ADGRE2: variants seen among roughly 807,000 people sequenced by gnomAD.
ADGRE2 encodes the protein CD97 antigen.
Under a neutral mutation model 100.8 loss-of-function variants are expected in ADGRE2, and 83 were observed. The ratio of observed to expected loss-of-function variants is 0.82; its 90% CI spans 0.69 to 0.99. ADGRE2 has a LOEUF of 0.99. Among genes scored for constraint, ADGRE2 ranks in the 50% least tolerant of loss-of-function variants. The pLI is 0.00. For missense variants in ADGRE2, 814 were observed against 1,035.7 expected, an observed-to-expected ratio of 0.79 and a Z score of 2.94; for synonymous variants, 355 against 413.0, an observed-to-expected ratio of 0.86 and a Z score of 1.70.
chr19:14,766,527 C>A (rs1599865355), intron 6 of ADGRE2, 146 bp from the exon 7 acceptor site: 3 of 928,860 alleles, frequency 3.2e-6, no homozygotes, highest in Non-Finnish European at 1.6e-6. Flanking sequence ...TTCAACTTCA[C>A]CTTCAAAGCA....
intron 16 of ADGRE2, among the ~76,000 whole-genome samples, chr19:14,749,256 TAAA>T (rs1446871468): frequency 6.8e-6 from 1 of 146,670 alleles, no homozygotes; most frequent in Non-Finnish European, 1.5e-5. Context: ...ATTAATAAAA[TAAA>T]GAATTAAGGA....
At chr19:14,751,389 C>T (rs754857376) in intron 16 of ADGRE2, 47 bp downstream of exon 16, 1 of 1,424,670 alleles carries the variant, frequency 7.0e-7, no homozygotes, top group Non-Finnish European at 9.9e-7. Context: ...CTAGCAATGG[C>T]CATGGTTATG....
intron 1 of ADGRE2, among the ~76,000 whole-genome samples, chr19:14,777,652 A>AC (rs2044486984): frequency 2.0e-5 from 1 of 49,938 alleles, no homozygotes; most frequent in Admixed American, 1.9e-4. Context: ...CCAGGCCCCC[A>AC]CCCCCCGACA....
Position 14,774,026 on chromosome 19 carries a change from G to A in ADGRE2, c.111C>T (p.Ser37=). Reference sequence around the variant, plus strand: ...GACAGGCGGTGGCATTGACACACGAGGAGTCCTGAGGGCACCACCGGGCAC... The same window carrying A: ...GACAGGCGGTGGCATTGACACACGAAGAGTCCTGAGGGCACCACCGGGCAC... The part of the protein sequence containing the change: ...RGCARWCPQD[S]SCVNATACRC... Residue 37 remains serine (S), a synonymous_variant, in exon 4 of 21, where the codon TCC becomes TCT. Transcript: ENST00000315576. The A allele has an allele frequency of 6.2e-7, 1 of 1,614,008 alleles. No individual in the cohort carries two copies. The highest frequency in any genetic ancestry group is 8.5e-7 in the Non-Finnish European group (1 of 1,180,020).
Position 14,774,039 on chromosome 19 carries a change from C to T in ADGRE2, c.98G>A (p.Cys33Tyr). Residue 33 changes from cysteine to tyrosine, a missense_variant, in exon 4 of 21, where the codon TGC becomes TAC. Cys to Tyr is a radical substitution (Grantham distance 194). Around this residue, in one of 5 missense-constraint regions of ADGRE2, gnomAD observed 143 missense variants for 160.3 expected, o/e 0.89. Transcript: ENST00000315576. Reference protein sequence around the residue: ...TQDSRGCARWCPQDSSCVNAT... With the variant: ...TQDSRGCARWYPQDSSCVNAT... The stretch of plus-strand genomic sequence containing the variant: ...ATTGACACACGAGGAGTCCTGAGGG[C>T]ACCACCGGGCACAGCCTGCAAGAGC... 6.2e-7 allele frequency: 1 copy of T among 1,613,846 alleles called. No homozygotes were observed. Among genetic ancestry groups the T allele is most frequent in the Non-Finnish European group, 8.5e-7 (1 of 1,179,970 alleles).
Position 14,736,154 on chromosome 19 carries a change from CT to C in ADGRE2, c.*81del. 7.5e-7 allele frequency: 1 copy of C among 1,325,822 alleles called. No homozygotes were observed. Among genetic ancestry groups the C allele is most frequent in the Non-Finnish European group, 1.1e-6 (1 of 932,664 alleles). 82.1% of individuals were successfully genotyped at this position (1,325,822 alleles called of 1,614,324 possible). A position where few individuals can be genotyped will look rare whatever the true frequency, so the allele number is the denominator to read the frequency against. On this transcript the variant is annotated 3_prime_UTR_variant, in exon 21 of 21. Coordinates refer to ENST00000315576, the MANE Select transcript of ADGRE2 (RefSeq NM_013447.4). ...TTTCTTGAAACACACAGAACAAAGT[CT>C]TTTCTTTCCCCTCTAGATGGCTCAA...
chr19:14,742,628 A>G (rs556986349), intron 20 of ADGRE2, among the ~76,000 whole-genome samples: 1 of 152,364 alleles, frequency 6.6e-6, no homozygotes, highest in African/African-American at 2.4e-5. Flanking sequence ...TGGTAGAGGC[A>G]GACTTGTTAA....
chr19:14,767,904 C>T (rs1288096846), intron 5 of ADGRE2, among the ~76,000 whole-genome samples: 1 of 152,222 alleles, frequency 6.6e-6, no homozygotes, highest in Non-Finnish European at 1.5e-5. Flanking sequence ...AGCTTCTGCT[C>T]ACCCTCTTGG....
At chr19:14,728,981 G>T (rs1374508660), downstream of ADGRE2, among the ~76,000 whole-genome samples, 1 of 152,204 alleles carries the variant, frequency 6.6e-6, no homozygotes, top group Non-Finnish European at 1.5e-5. Flanking sequence ...AATAAAGAAG[G>T]GGGAAGGGGA....
At chr19:14,749,524 A>G (rs192364435) in intron 16 of ADGRE2, among the ~76,000 whole-genome samples, 3 of 84,680 alleles carry the variant, frequency 3.5e-5, no homozygotes, top group African/African-American at 6.3e-5. Context: ...GTTATGTAAT[A>G]TAATTATTTA....
chr19:14,776,940 A>T lies in ADGRE2; in HGVS notation c.-171-13T>A. ...ACTGGCGGTGCAGCTGGAAGCCAGC[A>T]GGAAAGCACAATAAAAACACAGAAC... On this transcript the variant is annotated splice_polypyrimidine_tract_variant and intron_variant, in intron 1 of 20. Coordinates refer to ENST00000315576, the MANE Select transcript of ADGRE2 (RefSeq NM_013447.4). The T allele has an allele frequency of 7.0e-7, 1 of 1,435,792 alleles. No individual in the cohort carries two copies. The highest frequency in any genetic ancestry group is 9.2e-7 in the Non-Finnish European group (1 of 1,092,680). 88.9% of individuals were successfully genotyped at this position (1,435,792 alleles called of 1,614,324 possible).
Position 14,774,047 on chromosome 19 carries a change from G to A in ADGRE2, c.90C>T (p.Ala30=). The A allele has an allele frequency of 6.2e-7, 1 of 1,613,910 alleles. No individual in the cohort carries two copies. The highest frequency in any genetic ancestry group is 1.3e-5 in the African/African-American group (1 of 74,974). Reference sequence around the variant, plus strand: ...ACGAGGAGTCCTGAGGGCACCACCGGGCACAGCCTGCAAGAGCAGGGAGCA... The same window carrying A: ...ACGAGGAGTCCTGAGGGCACCACCGAGCACAGCCTGCAAGAGCAGGGAGCA... The part of the protein sequence containing the change: ...GAETQDSRGC[A]RWCPQDSSCV... The change falls in exon 4 of 21, where the codon GCC becomes GCT. Residue 30 remains alanine, a synonymous_variant. Transcript: ENST00000315576.
chr19:14,744,697 C>T (rs1027862135), intron 18 of ADGRE2, among the ~76,000 whole-genome samples: 8 of 151,754 alleles, frequency 5.3e-5, no homozygotes, highest in Non-Finnish European at 1.2e-4. Context: ...TCAAGTGATC[C>T]GCCTACCTCG....
Position 14,766,232 on chromosome 19 carries a change from G to A in ADGRE2, c.634+3C>T, listed in dbSNP as rs188471858. On this transcript the variant is annotated splice_donor_region_variant and intron_variant, in intron 7 of 20. Coordinates refer to ENST00000315576, the MANE Select transcript of ADGRE2 (RefSeq NM_013447.4). ...CTGGGAACGTGGGATCTGAGCTCTC[G>A]ACCTTCACAGACGGTATTGTTTGGG... The A allele has an allele frequency of 2.4e-5, 38 of 1,614,036 alleles. No homozygotes were observed. The East Asian group carries it at 4.2e-4, about 18-fold the overall frequency.
chr19:14,730,515 C>A (rs114093177), downstream of ADGRE2, among the ~76,000 whole-genome samples: 472 of 151,002 alleles, frequency 3.1e-3, 2 homozygotes, highest in African/African-American at 0.011. Context: ...TATCTCCTTT[C>A]TTTTTCTTTG....
At chr19:14,729,943 A>G (rs551380599), downstream of ADGRE2, among the ~76,000 whole-genome samples, 5 of 152,376 alleles carry the variant, frequency 3.3e-5, no homozygotes, top group Non-Finnish European at 7.3e-5. Context: ...TATACTGGAA[A>G]GGGCAGAAAT....
chr19:14,760,916 C>T (rs937377683), intron 11 of ADGRE2, among the ~76,000 whole-genome samples: 4 of 152,176 alleles, frequency 2.6e-5, no homozygotes, highest in Non-Finnish European at 4.4e-5. Context: ...AGCCCCTTAT[C>T]GTATTCCAGA....
downstream of ADGRE2, among the ~76,000 whole-genome samples, chr19:14,727,743 T>C (rs183830714): frequency 2.0e-4 from 31 of 151,868 alleles, no homozygotes; most frequent in African/African-American, 7.3e-4. Context: ...ATTTACAAAC[T>C]TAAGAGTCCC....
intron 1 of ADGRE2, 35 bp from the exon 2 acceptor site, chr19:14,776,962 G>C: frequency 3.0e-6 from 4 of 1,330,746 alleles, no homozygotes; most frequent in Middle Eastern, 2.8e-4. Flanking sequence ...TAAAAACACA[G>C]AACCAGGGGC....
Sources: allele counts gnomAD v4.1 joint callset (sites outside exome capture counted in the v4.1 genomes callset), GRCh38; gene constraint gnomAD v4.1.1; regional missense constraint gnomAD v4.1.1; transcripts MANE v1.5; gene names NCBI Gene and HGNC (gene_info 2026-07-23, HGNC 2026-07-21).